The following MALRD1 variants were observed in gnomAD, a reference collection of about 807,000 sequenced individuals.
MALRD1 encodes MAM and LDL receptor class A domain containing 1, also known as MAM and LDL-receptor class A domain-containing protein 1.
Under a neutral mutation model 242.1 loss-of-function variants are expected in MALRD1, and 247 were observed. The observed-to-expected ratio is 1.02, with a 90% CI of 0.92 to 1.13. MALRD1 has a LOEUF of 1.13. Among genes scored for constraint, MALRD1 ranks in the 50% most tolerant of loss-of-function variants. The pLI, the probability that MALRD1 is intolerant of heterozygous loss-of-function variation, is 0.00. For synonymous variants in MALRD1, 995 were observed against 866.6 expected, an observed-to-expected ratio of 1.15 and a Z score of -2.60; for missense variants, 2,989 against 2,533.1, an observed-to-expected ratio of 1.18 and a Z score of -3.86.
At chr10:19,208,163 T>C (rs1046600324) in intron 17 of MALRD1, among the ~76,000 whole-genome samples, 14 of 152,130 alleles carry the variant, frequency 9.2e-5, no homozygotes, top group Non-Finnish European at 1.9e-4. Flanking sequence ...GCGAGACTGC[T>C]GTAAGACTCT....
At chr10:19,688,375 A>T (rs1842684972) in intron 36 of MALRD1, among the ~76,000 whole-genome samples, 1 of 151,802 alleles carries the variant, frequency 6.6e-6, no homozygotes, top group South Asian at 2.1e-4. Flanking sequence ...CAGTTCTCTC[A>T]CCTTAGTCTC....
At chr10:19,087,028 G>A (rs1385537035) in intron 2 of MALRD1, among the ~76,000 whole-genome samples, 1 of 151,996 alleles carries the variant, frequency 6.6e-6, no homozygotes, top group African/African-American at 2.4e-5. Context: ...TTGTATGAGT[G>A]TGAAGTTTGG....
At chr10:19,605,396 G>A (rs1838562010) in intron 34 of MALRD1, among the ~76,000 whole-genome samples, 1 of 151,210 alleles carries the variant, frequency 6.6e-6, no homozygotes, top group South Asian at 2.1e-4. Context: ...TCAAACTCCT[G>A]ACCTCATGTG....
At chr10:19,546,736 T>G (rs530678327) in intron 32 of MALRD1, among the ~76,000 whole-genome samples, 17 of 152,322 alleles carry the variant, frequency 1.1e-4, no homozygotes, top group African/African-American at 3.6e-4. Flanking sequence ...TCCATTTGAT[T>G]TAAAACCTCC....
At chr10:19,707,657 T>G (rs1057443679) in intron 38 of MALRD1, among the ~76,000 whole-genome samples, 9 of 151,224 alleles carry the variant, frequency 6.0e-5, no homozygotes, top group African/African-American at 2.2e-4. Flanking sequence ...TTTAAAAATA[T>G]TTCCATTATG....
At chr10:19,108,395 T>A (rs139267490) in intron 5 of MALRD1, among the ~76,000 whole-genome samples, 2 of 8,208 alleles carry the variant, frequency 2.4e-4, no homozygotes, top group African/African-American at 1.8e-3. Context: ...TTCTTTTTTT[T>A]TTTTTTTTTT....
At chr10:19,673,006 TA>T (rs1841993113) in intron 36 of MALRD1, among the ~76,000 whole-genome samples, 1 of 152,056 alleles carries the variant, frequency 6.6e-6, no homozygotes, top group African/African-American at 2.4e-5. Context: ...TTATTGGAGG[TA>T]GTCTGTTGAT....
intron 18 of MALRD1, among the ~76,000 whole-genome samples, chr10:19,250,839 G>A (rs552215338): frequency 1.8e-4 from 28 of 151,952 alleles, no homozygotes; most frequent in African/African-American, 6.3e-4. Flanking sequence ...CTCTCTCAAT[G>A]TGTGTATTCT....
chr10:19,541,311 C>T (rs1261445075), intron 32 of MALRD1, among the ~76,000 whole-genome samples: 1 of 152,116 alleles, frequency 6.6e-6, no homozygotes, highest in Non-Finnish European at 1.5e-5. Flanking sequence ...ATGCAATTAT[C>T]CCCATGCATA....
chr10:19,257,272 G>A (rs1342960147), intron 18 of MALRD1, among the ~76,000 whole-genome samples: 1 of 152,076 alleles, frequency 6.6e-6, no homozygotes. Context: ...AAATCTAGGA[G>A]GATGAGGAGG....
At chr10:19,359,553 T>C (rs1161744859) in intron 26 of MALRD1, among the ~76,000 whole-genome samples, 4 of 152,110 alleles carry the variant, frequency 2.6e-5, no homozygotes, top group African/African-American at 9.7e-5. Flanking sequence ...TGCGCACTTC[T>C]TCCAAATAAA....
chr10:19,333,172 A>G (rs1245796246), intron 24 of MALRD1, among the ~76,000 whole-genome samples: 1 of 152,102 alleles, frequency 6.6e-6, no homozygotes, highest in African/African-American at 2.4e-5. Flanking sequence ...CTTTTATTTT[A>G]GAATCAGTGG....
intron 36 of MALRD1, among the ~76,000 whole-genome samples, chr10:19,621,832 G>C (rs1336245518): frequency 1.3e-5 from 2 of 151,594 alleles, no homozygotes; most frequent in African/African-American, 4.8e-5. Flanking sequence ...ATGGCCTCTA[G>C]GAAAAGAACC....
chr10:19,370,988 T>A (rs914494835), intron 26 of MALRD1, among the ~76,000 whole-genome samples: 1 of 151,720 alleles, frequency 6.6e-6, no homozygotes, highest in Non-Finnish European at 1.5e-5. Context: ...TAGGGCTTTT[T>A]TTTTTGGTAT....
chr10:19,522,153 T>C (rs1372315733), intron 31 of MALRD1, among the ~76,000 whole-genome samples: 2 of 152,154 alleles, frequency 1.3e-5, no homozygotes, highest in Non-Finnish European at 2.9e-5. Context: ...CCTTTCAGTT[T>C]AGCATCAAGG....
chr10:19,289,525 A>G (rs994248647), intron 21 of MALRD1, among the ~76,000 whole-genome samples: 9 of 152,202 alleles, frequency 5.9e-5, no homozygotes, highest in African/African-American at 2.2e-4. Flanking sequence ...TATGTGCTCT[A>G]CATGACAATA....
chr10:19,633,685 C>T (rs1015093392), intron 36 of MALRD1: 2 of 151,950 alleles, frequency 1.3e-5, no homozygotes, highest in East Asian at 1.9e-4. Context: ...TTTTTTTAAG[C>T]CTACAGCACA....
At chr10:19,351,552 G>A (rs1485907177) in intron 25 of MALRD1, among the ~76,000 whole-genome samples, 1 of 152,100 alleles carries the variant, frequency 6.6e-6, no homozygotes, top group Non-Finnish European at 1.5e-5. Flanking sequence ...AAGAATGGCA[G>A]TGGAATAAGC....
At chr10:19,281,117 T>A (rs1564525811) in intron 20 of MALRD1, among the ~76,000 whole-genome samples, 1 of 152,184 alleles carries the variant, frequency 6.6e-6, no homozygotes, top group Non-Finnish European at 1.5e-5. Flanking sequence ...AATGTACAAA[T>A]ACACCACCAA....
Sources: gnomAD v4.1 joint callset for allele counts (sites outside exome capture counted in the v4.1 genomes callset) on GRCh38, gnomAD v4.1.1 for gene constraint, MANE v1.5 for transcripts, NCBI Gene and HGNC (gene_info 2026-07-23, HGNC 2026-07-21) for gene names.